The following STC2 variants were observed in gnomAD, a reference collection of about 807,000 sequenced individuals.
STC2 encodes stanniocalcin 2, also known as stanniocalcin-2.
In STC2, 7 loss-of-function variants were observed where a neutral mutation model predicts 22.7. The observed-to-expected ratio is 0.31, with a 90% confidence interval of 0.18 to 0.58. The LOEUF (loss-of-function observed/expected upper bound fraction) is 0.58, where lower values mean the gene tolerates loss of function less well. Among genes scored for constraint, STC2 ranks in the 20% least tolerant of loss-of-function variants. The pLI, the probability that STC2 is intolerant of heterozygous loss-of-function variation, is 0.89. For synonymous variants in STC2, 158 were observed against 163.4 expected (o/e 0.97, Z 0.25); for missense variants, 336 against 406.2 (o/e 0.83, Z 1.48).
In STC2 at chr5:173,317,773, TA is replaced by T; in HGVS notation, c.*73del. The T allele has an allele frequency of 6.7e-7, 1 of 1,483,998 alleles. No homozygotes were observed. 91.9% of individuals were successfully genotyped at this position (1,483,998 alleles called of 1,614,324 possible). On this transcript the variant is annotated 3_prime_UTR_variant, in exon 4 of 4. Coordinates refer to ENST00000265087, the MANE Select transcript of STC2 (RefSeq NM_003714.3). ...GTGTGACATCCCCCCTCTCTAATGG[TA>T]AATGTTTTGGAATGTCCATAGATAA...
rs1762537877 is a variant in STC2 at position 173,325,668 on chromosome 5, C to T, written c.294+200G>A. ...GTTTATTATGACATTGGTCTCCAGT[C>T]CACCCTGCCTGTGTAGACACAGCTT... On this transcript the variant is annotated intron_variant, in intron 2 of 3. Transcript: ENST00000265087. The surrounding 1 kb of genome is among the most constrained non-coding windows in gnomAD (Gnocchi z 4.7). Among the ~76,000 whole-genome samples, 8 of 152,184 alleles carry T rather than the reference C, an allele frequency of 5.3e-5. No individual in the cohort carries two copies. In the South Asian group the frequency reaches 1.7e-3, roughly 32 times the overall value.
At chr5:173,327,756 TGGCAG>T (rs1762568424) in intron 1 of STC2, among the ~76,000 whole-genome samples, 1 of 152,200 alleles carries the variant, frequency 6.6e-6, no homozygotes, top group African/African-American at 2.4e-5. Context: ...GGGCTGGCGC[TGGCAG>T]CGTCAGACGC....
chr5:173,323,728 G>A lies in STC2; in HGVS notation c.295-298C>T, dbSNP rs1287109882. ...GAGTTTCCCTCCAACGGGGGCTTCC[G>A]TGGCTATGTGTCCCTCAGGTAGCCC... On this transcript the variant is annotated intron_variant, in intron 2 of 3. Coordinates refer to ENST00000265087, the MANE Select transcript of STC2 (RefSeq NM_003714.3). This position sits in a 1 kb window ranked among gnomAD's most constrained non-coding sequence, Gnocchi z 5.4. 2.6e-5 allele frequency among the ~76,000 whole-genome samples: 4 copies of A among 152,200 alleles called. No homozygotes were observed. The highest frequency in any genetic ancestry group is 1.9e-4 in the East Asian group (1 of 5,172).
intron 1 of STC2, chr5:173,326,880 A>G (rs1219869605): frequency 6.6e-6 from 1 of 152,212 alleles, no homozygotes; most frequent in Non-Finnish European, 1.5e-5. Flanking sequence ...ATTTAAATCA[A>G]CCACAAAATT....
chr5:173,319,572 C>A (rs2113131575), intron 3 of STC2, among the ~76,000 whole-genome samples: 1 of 152,350 alleles, frequency 6.6e-6, no homozygotes, highest in African/African-American at 2.4e-5. Context: ...TGCAAGTTGG[C>A]AGTTGTTGCT....
chr5:173,322,906 T>A (rs1762503694), intron 3 of STC2: 2 of 393,076 alleles, frequency 5.1e-6, no homozygotes, highest in African/African-American at 4.1e-5. Flanking sequence ...CAGAATATTC[T>A]GAGAGCTAGT....
rs1426710319 is a variant in STC2 at position 173,315,581 on chromosome 5, G to A, written c.*2266C>T. On this transcript the variant is annotated 3_prime_UTR_variant, in exon 4 of 4. Coordinates refer to ENST00000265087, the MANE Select transcript of STC2 (RefSeq NM_003714.3). ...ATAAAACATTTACACGGAGGAAAAT[G>A]GAAATGTGATGCCTTTCACACATCC... 6.6e-6 allele frequency: 1 copy of A among 152,252 alleles called. No individual in the cohort carries two copies. Among genetic ancestry groups the A allele is most frequent in the Non-Finnish European group, 1.5e-5 (1 of 68,038 alleles). 9.4% of individuals were successfully genotyped at this position (152,252 alleles called of 1,614,324 possible).
chr5:173,324,272 C>G (rs1003197846), intron 2 of STC2: 3 of 152,398 alleles, frequency 2.0e-5, no homozygotes, highest in African/African-American at 7.2e-5. Context: ...GAGGCGAGCT[C>G]GGTGCTGCTC....
chr5:173,326,807 A>C (rs1324273680), intron 1 of STC2: 1 of 152,142 alleles, frequency 6.6e-6, no homozygotes, highest in African/African-American at 2.4e-5. Flanking sequence ...AGACGGAGGG[A>C]GTTAACTGTC....
rs1486356207 is a variant in STC2, at chr5:173,317,781, T to C, written c.*66A>G. ...TCCCCCCTCTCTAATGGTAAATGTT[T>C]TGGAATGTCCATAGATAAGAAAATG... is the stretch of plus-strand genomic sequence containing the variant. On this transcript the variant is annotated 3_prime_UTR_variant, in exon 4 of 4. Transcript: ENST00000265087. 2.2e-5 allele frequency: 33 copies of C among 1,495,294 alleles called. No individual in the cohort carries two copies. The highest frequency in any genetic ancestry group is 2.9e-5 in the Non-Finnish European group (33 of 1,119,884). The allele number at this position is 1,495,294 out of a possible 1,614,324, so 92.6% of individuals were successfully genotyped here.
Position 173,318,299 on chromosome 5 carries a change from A to AGAGAGG in STC2, c.507-51_507-50insCCTCTC, listed in dbSNP as rs532094608. On this transcript the variant is annotated intron_variant, in intron 3 of 3. Transcript: ENST00000265087. ...GAGAGAGAGAGAGAGAGAGAGAGAG[A>AGAGAGG]GGCTGGGAATGGAGCAAGTCCCGAA... is the stretch of plus-strand genomic sequence containing the variant. 6.2e-6 allele frequency: 8 copies of AGAGAGG among 1,300,624 alleles called. No homozygotes were observed. In the East Asian group the frequency reaches 1.1e-4, roughly 17 times the overall value. 80.6% of individuals were successfully genotyped at this position (1,300,624 alleles called of 1,614,324 possible).
intron 1 of STC2, 147 bp from the exon 2 acceptor site, chr5:173,326,157 G>A: frequency 1.2e-6 from 1 of 864,324 alleles, no homozygotes; most frequent in Non-Finnish European, 1.7e-6. Context: ...GACCTAAAAA[G>A]CCTGGGAAAC....
chr5:173,320,954 C>T (rs1762477558), intron 3 of STC2, among the ~76,000 whole-genome samples: 1 of 151,996 alleles, frequency 6.6e-6, no homozygotes, highest in Non-Finnish European at 1.5e-5. Flanking sequence ...AGTCGATGCA[C>T]CGCCACATCA....
At chr5:173,327,332 C>G (rs1382692902) in intron 1 of STC2, among the ~76,000 whole-genome samples, 1 of 152,258 alleles carries the variant, frequency 6.6e-6, no homozygotes, top group Non-Finnish European at 1.5e-5. Flanking sequence ...GGGCCAGCCC[C>G]GTGCCCTGCA....
At chr5:173,327,522 C>T (rs963158763) in intron 1 of STC2, among the ~76,000 whole-genome samples, 21 of 152,242 alleles carry the variant, frequency 1.4e-4, no homozygotes, top group African/African-American at 5.1e-4. Flanking sequence ...AAGCAGTGCC[C>T]CCAGGGGGAA....
chr5:173,322,092 G>A (rs1157668095), intron 3 of STC2, among the ~76,000 whole-genome samples: 4 of 152,208 alleles, frequency 2.6e-5, no homozygotes, highest in Non-Finnish European at 5.9e-5. Flanking sequence ...CATCTAAGTG[G>A]TGTTGGTGTG....
chr5:173,327,652 G>A (rs571191658), intron 1 of STC2, among the ~76,000 whole-genome samples: 48 of 152,382 alleles, frequency 3.1e-4, no homozygotes, highest in African/African-American at 1.2e-3. Context: ...TTCTCCGGGC[G>A]CAGGGCGCAG....
chr5:173,327,986 G>A (rs573380784), intron 1 of STC2, 57 bp downstream of exon 1: 1 of 1,391,156 alleles, frequency 7.2e-7, no homozygotes, highest in Non-Finnish European at 9.4e-7. Context: ...GGCGCGCCGC[G>A]TGGGTGCACG....
intron 1 of STC2, among the ~76,000 whole-genome samples, chr5:173,327,494 CCTCACG>C (rs896330333): frequency 5.7e-4 from 87 of 152,232 alleles, no homozygotes; most frequent in Non-Finnish European, 3.1e-4. Flanking sequence ...TTTGCGCTGC[CCTCACG>C]CTCCCTTCCG....
Sources: gnomAD v4.1 joint callset for allele counts (sites outside exome capture counted in the v4.1 genomes callset) on GRCh38, gnomAD v4.1.1 for gene constraint, Gnocchi (gnomAD v3.1) non-coding constraint, MANE v1.5 for transcripts, NCBI Gene and HGNC (gene_info 2026-07-23, HGNC 2026-07-21) for gene names.